The following CENPT variants were observed in gnomAD, a reference collection of about 807,000 sequenced individuals.
CENPT encodes the protein interphase centromere complex protein 22.
Under a neutral mutation model 59.7 loss-of-function variants are expected in CENPT, and 42 were observed. The ratio of observed to expected loss-of-function variants is 0.70; its 90% CI spans 0.55 to 0.91. The LOEUF (loss-of-function observed/expected upper bound fraction) is 0.91, where lower values mean the gene tolerates loss of function less well. Ranked by LOEUF, CENPT falls within the 40% of genes least tolerant of loss-of-function variation. The pLI is 0.00. For missense variants in CENPT, 716 were observed against 713.4 expected, an observed-to-expected ratio of 1.00 and a Z score of -0.04; for synonymous variants, 295 against 289.6, an observed-to-expected ratio of 1.02 and a Z score of -0.19.
chr16:67,842,448 A>T lies in CENPT; in HGVS notation c.-492+4953T>A. 1 of 876,528 alleles carries T rather than the reference A, an allele frequency of 1.1e-6. No individual in the cohort carries two copies. Among genetic ancestry groups the T allele is most frequent in the Non-Finnish European group, 1.5e-6 (1 of 668,902 alleles). The allele number at this position is 876,528 out of a possible 1,614,324, so 54.3% of individuals were successfully genotyped here. A position where few individuals can be genotyped will look rare whatever the true frequency, so the allele number is the denominator to read the frequency against. ...GAGCGGCAGTGGTGGGATACCACCC[A>T]AGGCCTCGCGCGGCGCCGCCCGTCG... On this transcript the variant is annotated intron_variant, in intron 1 of 15. Coordinates refer to ENST00000562787, the MANE Select transcript of CENPT (RefSeq NM_025082.4). This position sits in a 1 kb window ranked among gnomAD's most constrained non-coding sequence, Gnocchi z 4.9.
In CENPT at chr16:67,836,251, G is replaced by A. The variant is rs544627038; in HGVS notation, c.-491-593C>T. ...AATTTTTTGTATTTTTAGTAGAGACGGGGTTTCACCATGTTGGCCAAGATG... is the reference window on the plus strand; with the variant it reads ...AATTTTTTGTATTTTTAGTAGAGACAGGGTTTCACCATGTTGGCCAAGATG... On this transcript the variant is annotated intron_variant, in intron 1 of 15. Transcript: ENST00000562787. 3.4e-5 allele frequency among the ~76,000 whole-genome samples: 5 copies of A among 148,638 alleles called. No homozygotes were observed. In the East Asian group the frequency reaches 8.1e-4, roughly 24 times the overall value.
At chr16:67,832,143 G>C in intron 6 of CENPT, 35 bp from the exon 7 acceptor site, 2 of 1,608,526 alleles carry the variant, frequency 1.2e-6, no homozygotes, top group Non-Finnish European at 1.7e-6. Flanking sequence ...GGGGCTGACA[G>C]AACAGGCCAC....
intron 1 of CENPT, chr16:67,841,745 T>C (rs946773299): frequency 2.6e-5 from 4 of 152,204 alleles, no homozygotes; most frequent in East Asian, 1.9e-4. Flanking sequence ...TTAGATCAGT[T>C]AGTCAACGCA....
Position 67,842,489 on chromosome 16 carries a change from C to T in CENPT, c.-492+4912G>A, listed in dbSNP as rs2057768717. The T allele has an allele frequency of 6.4e-6, 8 of 1,253,710 alleles. 1 individual carries two copies. The South Asian group carries it at 1.9e-4, about 29-fold the overall frequency. 77.7% of individuals were successfully genotyped at this position (1,253,710 alleles called of 1,614,324 possible). On this transcript the variant is annotated intron_variant, in intron 1 of 15. Transcript: ENST00000562787. This position sits in a 1 kb window ranked among gnomAD's most constrained non-coding sequence, Gnocchi z 4.9. ...CCGCCCGTCGAGGGGCGGGCGGCGG[C>T]GTAGCCACTGGGCCGTCGAAGAGCG... is the stretch of plus-strand genomic sequence containing the variant.
In CENPT at chr16:67,835,272, C is replaced by T. The variant is rs959224414; in HGVS notation, c.-342G>A. ...AATTAGAACTTGGTTTCTGAGTCTT[C>T]CGTGGAGTTCACTTTCCCAGAATCT... On this transcript the variant is annotated 5_prime_UTR_variant, in exon 3 of 16. Transcript: ENST00000562787. 4 of 152,200 alleles carry T rather than the reference C, an allele frequency of 2.6e-5. No individual in the cohort carries two copies. Among genetic ancestry groups the T allele is most frequent in the Non-Finnish European group, 4.4e-5 (3 of 68,032 alleles). 9.4% of individuals were successfully genotyped at this position (152,200 alleles called of 1,614,324 possible).
intron 1 of CENPT, among the ~76,000 whole-genome samples, chr16:67,836,549 T>A (rs2057735872): frequency 6.6e-6 from 1 of 151,692 alleles, no homozygotes; most frequent in African/African-American, 2.4e-5. Context: ...CAATTCTCCC[T>A]GCCTCAGCCT....
rs763483728 is a variant in CENPT at position 67,831,293 on chromosome 16, C to T, written c.626G>A (p.Arg209His). 25 of 1,614,038 alleles carry T rather than the reference C, an allele frequency of 1.5e-5. No homozygotes were observed. Among genetic ancestry groups the T allele is most frequent in the African/African-American group, 6.7e-5 (5 of 74,918 alleles). ...PQSVQRPGLA[R>H]RPPARRAVDV... The stretch of plus-strand genomic sequence containing the variant: ...TACAGCTCGGCGGGCTGGAGGTCTG[C>T]GGGCCAAGCCAGGCCTCTGCACTGA... The change falls in exon 10 of 16, where the codon CGC (arginine) becomes CAC (histidine). Residue 209 changes from arginine (R) to histidine (H), a missense_variant. Physicochemically the swap from Arg to His is conservative, Grantham distance 29. Coordinates refer to ENST00000562787, the MANE Select transcript of CENPT (RefSeq NM_025082.4).
chr16:67,839,095 A>G (rs1432407174), intron 1 of CENPT, among the ~76,000 whole-genome samples: 3 of 151,866 alleles, frequency 2.0e-5, no homozygotes, highest in Non-Finnish European at 4.4e-5. Flanking sequence ...TTCTAAAAAT[A>G]CAAAAATTAG....
chr16:67,828,390 C>T lies in CENPT; in HGVS notation c.1563G>A (p.Arg521=), dbSNP rs1196266186. ...AGACTTGGTCAGTGACCAGGCCCTGCCTGCAGTGGAGGAAGAGAAGGGACA... is the reference window on the plus strand; with the variant it reads ...AGACTTGGTCAGTGACCAGGCCCTGTCTGCAGTGGAGGAAGAGAAGGGACA... ...KPEDLELLMR[R]QGLVTDQVSL... Residue 521 remains arginine (R), a splice_region_variant and synonymous_variant, in exon 16 of 16, where the codon CGG becomes CGA. Coordinates refer to ENST00000562787, the MANE Select transcript of CENPT (RefSeq NM_025082.4). 1.2e-6 allele frequency: 2 copies of T among 1,611,054 alleles called. No homozygotes were observed. The highest frequency in any genetic ancestry group is 1.3e-5 in the African/African-American group (1 of 74,848).
At position 67,829,933 on chromosome 16, in the gene CENPT, C is replaced by T; in HGVS notation, c.1018G>A (p.Glu340Lys). 6.2e-7 allele frequency: 1 copy of T among 1,614,250 alleles called. No homozygotes were observed. The highest frequency in any genetic ancestry group is 8.5e-7 in the Non-Finnish European group (1 of 1,180,034). The stretch of plus-strand genomic sequence containing the variant: ...TCCATTTCACTCACACTCACACCTT[C>T]TTCTTCCATCTTTTTCTCTGCCTCT... ...VEEAEKKMEE[E>K]GVSVSEMEAT... is the part of the protein sequence containing the mutation. The change falls in exon 12 of 16, where the codon GAA (glutamate) becomes AAA (lysine). Residue 340 changes from glutamate (E) to lysine (K), a missense_variant. Transcript: ENST00000562787.
At position 67,831,245 on chromosome 16, in the gene CENPT, T is replaced by G. The variant is rs751872005; in HGVS notation, c.674A>C (p.Asp225Ala). The G allele has an allele frequency of 4.3e-6, 7 of 1,613,874 alleles. No individual in the cohort carries two copies. The Admixed American group carries it at 1.2e-4, about 27-fold the overall frequency. Residue 225 changes from aspartate (D) to alanine (A), a missense_variant, in exon 10 of 16, where the codon GAT (aspartate) becomes GCT (alanine). By Grantham distance (126) the Asp-to-Ala change is moderately radical (BLOSUM62 -2). Transcript: ENST00000562787. ...AGGAGCCAGGGAAGTATCTCGCAGA[T>G]CCCGCAAAAAGGCACCCACGTCTAC... ...RAVDVGAFLR[D>A]LRDTSLAPPN... is the part of the protein sequence containing the mutation.
At position 67,829,949 on chromosome 16, in the gene CENPT, C is replaced by G. The variant is rs1469428944; in HGVS notation, c.1002G>C (p.Glu334Asp). Residue 334 changes from glutamate (E) to aspartate (D), a missense_variant, in exon 12 of 16, where the codon GAG becomes GAC. Glu to Asp is a conservative substitution (Grantham distance 45, BLOSUM62 2). Transcript: ENST00000562787. ...EPLHDGVEEA[E>D]KKMEEEGVSV... ...TCACACCTTCTTCTTCCATCTTTTT[C>G]TCTGCCTCTTCAACTCCATCGTGTA... The G allele has an allele frequency of 6.2e-7, 1 of 1,614,136 alleles. No homozygotes were observed. The highest frequency in any genetic ancestry group is 1.3e-5 in the African/African-American group (1 of 74,934).
Position 67,837,083 on chromosome 16 carries a change from C to G in CENPT, c.-491-1425G>C, listed in dbSNP as rs550937709. 4.0e-5 allele frequency among the ~76,000 whole-genome samples: 6 copies of G among 151,742 alleles called. No individual in the cohort carries two copies. In the East Asian group the frequency reaches 7.8e-4, roughly 20 times the overall value. ...ACGAGGTTTCGCTCTGTTGGCCAGG[C>G]TGGTCTCCAACTCCTAACCTCAGGT... On this transcript the variant is annotated intron_variant, in intron 1 of 15. Transcript: ENST00000562787.
chr16:67,831,754 C>A lies in CENPT; in HGVS notation c.523G>T (p.Glu175Ter). ...GCAAAAGTGGTGTCCAGGGCCTCAC[C>A]TTGGGAGAGAGACAGCCCCTGGTCC... ...GVDQGLSLSQ[E>*]PQGNADASSL... Residue 175 changes from glutamate to a stop codon, truncating the protein, a stop_gained and splice_region_variant, in exon 8 of 16, where the codon GAG becomes TAG. Transcript: ENST00000562787. LOFTEE classifies it high-confidence loss of function. 1 of 1,579,904 alleles carries A rather than the reference C, an allele frequency of 6.3e-7. No individual in the cohort carries two copies. The highest frequency in any genetic ancestry group is 8.6e-7 in the Non-Finnish European group (1 of 1,163,756).
At chr16:67,840,454 G>C (rs1247937164) in intron 1 of CENPT, among the ~76,000 whole-genome samples, 1 of 152,162 alleles carries the variant, frequency 6.6e-6, no homozygotes, top group African/African-American at 2.4e-5. Context: ...AATATGCATG[G>C]AGCTGGGGGC....
intron 1 of CENPT, chr16:67,846,583 G>C (rs1038109033): frequency 2.6e-5 from 4 of 152,398 alleles, no homozygotes; most frequent in African/African-American, 9.6e-5. Flanking sequence ...GGCCGGGCTG[G>C]GCTCCCACGG....
rs745661240 is a variant in CENPT, at chr16:67,829,513, C to T, written c.1190G>A (p.Ser397Asn). ...GDEDASGRAA[S>N]PESASSTPES... ...AGGGGTGCTGGAGGCCGACTCTGGA[C>T]TTGCTACAAAGAAGAAGGGTGGGGT... The change falls in exon 13 of 16, where the codon AGT (serine) becomes AAT (asparagine). Residue 397 changes from serine to asparagine, a missense_variant. Transcript: ENST00000562787. 4.4e-6 allele frequency: 7 copies of T among 1,596,072 alleles called. No individual in the cohort carries two copies. The highest frequency in any genetic ancestry group is 6.0e-6 in the Non-Finnish European group (7 of 1,175,390).
intron 1 of CENPT, among the ~76,000 whole-genome samples, chr16:67,837,606 G>C (rs763666903): frequency 6.6e-6 from 1 of 152,076 alleles, no homozygotes; most frequent in Non-Finnish European, 1.5e-5. Context: ...TACTCGGGAG[G>C]CTGAGTCAGG....
chr16:67,831,617 C>G lies in CENPT; in HGVS notation c.524-5G>C, dbSNP rs2057689517. 3.1e-6 allele frequency: 5 copies of G among 1,614,004 alleles called. No homozygotes were observed. Among genetic ancestry groups the G allele is most frequent in the Non-Finnish European group, 4.2e-6 (5 of 1,180,022 alleles). On this transcript the variant is annotated splice_region_variant and splice_polypyrimidine_tract_variant and intron_variant, in intron 8 of 15. Coordinates refer to ENST00000562787, the MANE Select transcript of CENPT (RefSeq NM_025082.4). ...CATCAGCATTCCCTTGAGGCTCTGT[C>G]AGCAACCGGCAAGAGAATGTAAAAG...
Sources: allele counts gnomAD v4.1 joint callset (sites outside exome capture counted in the v4.1 genomes callset), GRCh38; gene constraint gnomAD v4.1.1; non-coding constraint Gnocchi (gnomAD v3.1); transcripts MANE v1.5; gene names NCBI Gene and HGNC (gene_info 2026-07-23, HGNC 2026-07-21).